Variants in CDKAL1 observed in about 807,000 individuals in gnomAD.
CDKAL1 encodes CDKAL1 threonylcarbamoyladenosine tRNA methylthiotransferase.
In CDKAL1, 32 loss-of-function variants were observed where a neutral mutation model predicts 68.2. The observed-to-expected ratio is 0.47, with a 90% CI of 0.35 to 0.63. The LOEUF (loss-of-function observed/expected upper bound fraction) is 0.63, where lower values mean the gene tolerates loss of function less well. Among genes scored for constraint, CDKAL1 ranks in the 30% least tolerant of loss-of-function variants. The probability of loss-of-function intolerance (pLI) is 0.00; values close to 1 mark genes in which losing one functional copy is unlikely to be tolerated. For synonymous variants in CDKAL1, 234 were observed against 244.3 expected, an observed-to-expected ratio of 0.96 and a Z score of 0.39; for missense variants, 606 against 696.7, an observed-to-expected ratio of 0.87 and a Z score of 1.47.
chr6:20,689,288 T>A (rs112585577), intron 5 of CDKAL1, among the ~76,000 whole-genome samples: 2 of 152,330 alleles, frequency 1.3e-5, no homozygotes, highest in Non-Finnish European at 2.9e-5. Context: ...CTGGAGTTTT[T>A]AACTTTACTC....
intron 9 of CDKAL1, among the ~76,000 whole-genome samples, chr6:20,901,444 G>A (rs7739013): frequency 0.17 from 25,849 of 151,526 alleles, 2,569 homozygotes; most frequent in East Asian, 0.27. Flanking sequence ...GGAGGCCGAG[G>A]CGGGCAGATC....
rs923644379 is a variant in CDKAL1 at position 20,833,912 on chromosome 6, A to C, written c.639-12163A>C. On this transcript the variant is annotated intron_variant, in intron 8 of 15. Coordinates refer to ENST00000274695, the MANE Select transcript of CDKAL1 (RefSeq NM_017774.3). ...AACAGTGGTTCTCGGCATGGTCCGG[A>C]GACCAGAAGCAATAGCATCATTTGA... Among the ~76,000 whole-genome samples the C allele has an allele frequency of 2.6e-5, 4 of 152,272 alleles. 1 individual carries two copies. The highest frequency in any genetic ancestry group is 4.2e-4 in the South Asian group (2 of 4,816).
chr6:20,832,222 C>A (rs565018758), intron 8 of CDKAL1, among the ~76,000 whole-genome samples: 6 of 152,208 alleles, frequency 3.9e-5, no homozygotes, highest in South Asian at 2.1e-4. Context: ...GTGAGAAATG[C>A]CCATTAAAAT....
At chr6:20,535,837 C>T (rs1763145523) in intron 2 of CDKAL1, among the ~76,000 whole-genome samples, 1 of 152,194 alleles carries the variant, frequency 6.6e-6, no homozygotes, top group Non-Finnish European at 1.5e-5. Flanking sequence ...TTCTACCCAT[C>T]CTAATGGGTA....
chr6:20,758,543 A>T, intron 6 of CDKAL1, 52 bp from the exon 7 acceptor site: 1 of 1,524,068 alleles, frequency 6.6e-7, no homozygotes, highest in Non-Finnish European at 9.0e-7. Context: ...ATAAACACAA[A>T]TTTTGTTTCT....
chr6:21,115,844 T>G (rs1166460821), intron 13 of CDKAL1, among the ~76,000 whole-genome samples: 1 of 152,198 alleles, frequency 6.6e-6, no homozygotes, highest in Non-Finnish European at 1.5e-5. Context: ...GAAGAGCTCT[T>G]TCGGTGCAAA....
intron 6 of CDKAL1, among the ~76,000 whole-genome samples, chr6:20,753,959 G>A (rs750665733): frequency 4.0e-4 from 15 of 37,582 alleles, no homozygotes; most frequent in Non-Finnish European, 5.5e-4. Flanking sequence ...TTATCTGTAT[G>A]TGTGTGTGTG....
intron 13 of CDKAL1, among the ~76,000 whole-genome samples, chr6:21,133,054 A>G (rs1421486511): frequency 1.3e-5 from 2 of 152,242 alleles, no homozygotes; most frequent in Non-Finnish European, 2.9e-5. Context: ...AAAAATAGTC[A>G]TTAGTATTAA....
chr6:20,554,902 T>C (rs887810451), intron 4 of CDKAL1, among the ~76,000 whole-genome samples: 5 of 152,232 alleles, frequency 3.3e-5, no homozygotes, highest in African/African-American at 1.2e-4. Flanking sequence ...CTGTGGTTCA[T>C]AAACACTGAA....
At chr6:20,987,869 TC>T (rs1766560424) in intron 10 of CDKAL1, among the ~76,000 whole-genome samples, 1 of 151,882 alleles carries the variant, frequency 6.6e-6, no homozygotes, top group African/African-American at 2.4e-5. Flanking sequence ...AGCCTTGACT[TC>T]CTGGGCTCAT....
At chr6:21,219,232 T>G (rs1208300123) in intron 15 of CDKAL1, among the ~76,000 whole-genome samples, 5 of 152,160 alleles carry the variant, frequency 3.3e-5, no homozygotes. Flanking sequence ...ATGTTCAAAT[T>G]CCTTATATAA....
intron 4 of CDKAL1, among the ~76,000 whole-genome samples, chr6:20,557,050 AAAAT>A (rs70990047): frequency 1.8e-3 from 164 of 88,722 alleles, no homozygotes; most frequent in East Asian, 2.5e-3. Context: ...TCAAAAAAAA[AAAAT>A]AAATAAATAA....
intron 4 of CDKAL1, among the ~76,000 whole-genome samples, chr6:20,575,222 T>C (rs1298305654): frequency 1.3e-5 from 2 of 152,096 alleles, no homozygotes; most frequent in African/African-American, 4.8e-5. Flanking sequence ...ATATCTATCT[T>C]ATTTAGTAGT....
intron 8 of CDKAL1, among the ~76,000 whole-genome samples, chr6:20,837,433 G>A (rs1274014754): frequency 6.6e-6 from 1 of 151,998 alleles, no homozygotes; most frequent in East Asian, 1.9e-4. Context: ...CTCAGCAGAC[G>A]TCAGCCTCCA....
chr6:21,195,477 T>TTTTCATTTA (rs1554194774), intron 13 of CDKAL1, among the ~76,000 whole-genome samples: 2 of 118,584 alleles, frequency 1.7e-5, no homozygotes, highest in Non-Finnish European at 1.8e-5. Flanking sequence ...GAGATGTTTT[T>TTTTCATTTA]TTTATTTATT....
chr6:21,159,209 A>G (rs996078814), intron 13 of CDKAL1, among the ~76,000 whole-genome samples: 16 of 151,950 alleles, frequency 1.1e-4, no homozygotes, highest in African/African-American at 3.9e-4. Context: ...GGGGATGATA[A>G]ATATATTTCC....
chr6:20,619,849 T>G (rs572745436), intron 4 of CDKAL1, among the ~76,000 whole-genome samples: 1 of 152,342 alleles, frequency 6.6e-6, no homozygotes, highest in South Asian at 2.1e-4. Context: ...TTTCTGTGTT[T>G]CGCTTTTCTA....
chr6:20,962,986 C>T (rs1340053981), intron 10 of CDKAL1, among the ~76,000 whole-genome samples: 1 of 152,126 alleles, frequency 6.6e-6, no homozygotes, highest in African/African-American at 2.4e-5. Flanking sequence ...AAACTAGAAA[C>T]AGAAGTTTGT....
intron 5 of CDKAL1, among the ~76,000 whole-genome samples, chr6:20,678,439 G>A (rs1158090092): frequency 6.6e-6 from 1 of 152,106 alleles, no homozygotes; most frequent in Non-Finnish European, 1.5e-5. Flanking sequence ...ATAGAATTGG[G>A]TGTTGCTTTG....
Sources: gnomAD v4.1 joint callset for allele counts (sites outside exome capture counted in the v4.1 genomes callset) on GRCh38, gnomAD v4.1.1 for gene constraint, MANE v1.5 for transcripts, NCBI Gene and HGNC (gene_info 2026-07-23, HGNC 2026-07-21) for gene names.